Variants in FANK1 observed in about 807,000 individuals in gnomAD.
The protein encoded by FANK1 is fibronectin type III and ankyrin repeat domains 1, also known as fibronectin type 3 and ankyrin repeat domains protein 1.
FANK1 carries 44 observed loss-of-function variants against 45.3 expected under a neutral mutation model. The observed-to-expected ratio is 0.97, with a 90% CI of 0.76 to 1.25. FANK1 has a LOEUF of 1.25. FANK1 is among the 50% of genes most tolerant of loss of function. The pLI is 0.00. For synonymous variants in FANK1, 149 were observed against 152.5 expected (o/e 0.98, Z 0.17); for missense variants, 391 against 424.4 (o/e 0.92, Z 0.69).
At chr10:125,965,193 AT>A (rs1383696119) in intron 1 of FANK1, among the ~76,000 whole-genome samples, 2 of 152,206 alleles carry the variant, frequency 1.3e-5, no homozygotes, top group Non-Finnish European at 2.9e-5. Context: ...AACTTGATGA[AT>A]GCAAAATGTC....
rs150851164 is a variant in FANK1 at position 125,972,893 on chromosome 10, AACACAC to A, written c.14-7233_14-7228del. ...TACATTTGGATCACTACCTGCCCCCAACACACACACACACACACACACACACACACA... is the reference window on the plus strand; with the variant it reads ...TACATTTGGATCACTACCTGCCCCCAACACACACACACACACACACACACA... On this transcript the variant is annotated intron_variant, in intron 1 of 10. Transcript: ENST00000368693. The A allele has an allele frequency of 2.0e-3, 291 of 142,430 alleles. 1 individual carries two copies. Among genetic ancestry groups the A allele is most frequent in the Middle Eastern group, 0.011 (3 of 280 alleles). The allele number at this position is 142,430 out of a possible 1,614,324, so 8.8% of individuals were successfully genotyped here. A position where few individuals can be genotyped will look rare whatever the true frequency, so the allele number is the denominator to read the frequency against.
intron 1 of FANK1, among the ~76,000 whole-genome samples, chr10:125,954,932 A>T (rs1012270135): frequency 6.6e-6 from 1 of 152,010 alleles, no homozygotes; most frequent in African/African-American, 2.4e-5. Context: ...AAAATAAATT[A>T]AAAAAAGGGG....
chr10:125,958,744 G>A (rs1052355530), intron 1 of FANK1, among the ~76,000 whole-genome samples: 2 of 152,150 alleles, frequency 1.3e-5, no homozygotes, highest in Non-Finnish European at 2.9e-5. Context: ...ATAATGTTGA[G>A]CATTTAAAAA....
chr10:125,936,026 T>C (rs902193431), intron 1 of FANK1, among the ~76,000 whole-genome samples: 2 of 152,198 alleles, frequency 1.3e-5, no homozygotes, highest in African/African-American at 4.8e-5. Context: ...GATTTTCAAC[T>C]ACAGGAAAAG....
At chr10:125,934,521 G>A (rs1343966233) in intron 1 of FANK1, among the ~76,000 whole-genome samples, 1 of 151,920 alleles carries the variant, frequency 6.6e-6, no homozygotes, top group Non-Finnish European at 1.5e-5. Context: ...TGGGGACTGA[G>A]CTGTGGGCAG....
chr10:126,006,576 G>A (rs11244765), intron 7 of FANK1, among the ~76,000 whole-genome samples: 2 of 152,068 alleles, frequency 1.3e-5, no homozygotes, highest in Non-Finnish European at 2.9e-5. Context: ...GTCAAGCATC[G>A]GGGCCGGGCA....
Position 126,004,885 on chromosome 10 carries a change from C to T in FANK1, c.541C>T (p.Leu181=), listed in dbSNP as rs779721250. Residue 181 remains leucine (L), a splice_region_variant and synonymous_variant, in exon 7 of 11, where the codon CTA becomes TTA. Transcript: ENST00000368693. ...TGCCGCTTCTTCCATATGTTGCAGTCTAATGCTGGCGTGCTATGCGGGACA... is the reference window on the plus strand; with the variant it reads ...TGCCGCTTCTTCCATATGTTGCAGTTTAATGCTGGCGTGCTATGCGGGACA... ...NLKNGSGKDS[L]MLACYAGHLD... 5.1e-5 allele frequency: 83 copies of T among 1,613,954 alleles called. No homozygotes were observed. Among genetic ancestry groups the T allele is most frequent in the Non-Finnish European group, 6.6e-5 (78 of 1,179,974 alleles).
In FANK1 at chr10:125,946,759, G is replaced by A. The variant is rs529967133; in HGVS notation, c.14-33402G>A. On this transcript the variant is annotated intron_variant, in intron 1 of 10. Coordinates refer to ENST00000368693, the MANE Select transcript of FANK1 (RefSeq NM_145235.5). Reference sequence around the variant, plus strand: ...TTCAGATTCAGGAAATACAGAGAACGCCACAAAGATACTCCTCGAGAAGAG... The same window carrying A: ...TTCAGATTCAGGAAATACAGAGAACACCACAAAGATACTCCTCGAGAAGAG... Among the ~76,000 whole-genome samples, 4 of 112,228 alleles carry A rather than the reference G, an allele frequency of 3.6e-5. No homozygotes were observed. In the East Asian group the frequency reaches 7.8e-4, roughly 22 times the overall value. 73.6% of individuals were successfully genotyped at this position (112,228 alleles called of 152,430 possible).
intron 1 of FANK1, among the ~76,000 whole-genome samples, chr10:125,900,192 G>A (rs867482892): frequency 0.013 from 1,882 of 150,002 alleles, no homozygotes; most frequent in African/African-American, 0.043. Context: ...AATTAAATAC[G>A]TTCACAACCT....
intron 1 of FANK1, among the ~76,000 whole-genome samples, chr10:125,965,748 A>G (rs1185928889): frequency 6.6e-6 from 1 of 152,222 alleles, no homozygotes; most frequent in Non-Finnish European, 1.5e-5. Context: ...GCAAGCCTGC[A>G]GTAAATTGAA....
rs201482232 is a variant in FANK1, at chr10:125,898,897, G to GTT, written c.13+2256_13+2257dup. Among the ~76,000 whole-genome samples the GTT allele has an allele frequency of 1.5e-3, 198 of 128,858 alleles. 1 individual carries two copies. The highest frequency in any genetic ancestry group is 8.2e-3 in the Middle Eastern group (2 of 244). The allele number at this position is 128,858 out of a possible 152,430, so 84.5% of individuals were successfully genotyped here. On this transcript the variant is annotated intron_variant, in intron 1 of 10. Coordinates refer to ENST00000368693, the MANE Select transcript of FANK1 (RefSeq NM_145235.5). The stretch of plus-strand genomic sequence containing the variant: ...ATCACCATTTAGCTCAAGTTTTGTT[G>GTT]TTTTTTTTTTTTTTTGAGACAGGGT...
At chr10:125,999,198 CTTTTTTTT>C (rs34338283) in intron 6 of FANK1, among the ~76,000 whole-genome samples, 1 of 124,474 alleles carries the variant, frequency 8.0e-6, no homozygotes, top group African/African-American at 3.0e-5. Flanking sequence ...TAAAAAGTAT[CTTTTTTTT>C]TTTTTTTTTT....
At chr10:125,945,713 A>G (rs969278894) in intron 1 of FANK1, among the ~76,000 whole-genome samples, 1 of 152,190 alleles carries the variant, frequency 6.6e-6, no homozygotes, top group African/African-American at 2.4e-5. Context: ...TAGGTAAACA[A>G]AGCAGCCAGG....
chr10:125,990,862 T>A (rs1590194162), intron 3 of FANK1, among the ~76,000 whole-genome samples: 3 of 151,564 alleles, frequency 2.0e-5, no homozygotes, highest in Admixed American at 2.0e-4. Context: ...AAAGAAGGAG[T>A]AAAGGCATGT....
intron 1 of FANK1, among the ~76,000 whole-genome samples, chr10:125,938,407 T>C (rs1948239437): frequency 6.6e-6 from 1 of 152,064 alleles, no homozygotes; most frequent in South Asian, 2.1e-4. Context: ...TTAACAGAAG[T>C]AGGAGAAATG....
intron 1 of FANK1, among the ~76,000 whole-genome samples, chr10:125,979,104 C>T (rs770784731): frequency 3.1e-4 from 47 of 152,234 alleles, no homozygotes; most frequent in Admixed American, 2.6e-4. Flanking sequence ...GTTTCTGGGT[C>T]GCTCATTCGG....
At chr10:125,948,812 C>T (rs1170257189) in intron 1 of FANK1, among the ~76,000 whole-genome samples, 1 of 149,240 alleles carries the variant, frequency 6.7e-6, no homozygotes, top group African/African-American at 2.5e-5. Context: ...AGAGACACAA[C>T]CAAAAAAGAG....
At chr10:126,006,797 T>C (rs1361842294) in intron 7 of FANK1, among the ~76,000 whole-genome samples, 4 of 152,072 alleles carry the variant, frequency 2.6e-5, no homozygotes, top group Non-Finnish European at 5.9e-5. Context: ...GAGGTGGAGG[T>C]TGCAGTGAGC....
At chr10:125,950,146 C>G (rs1409276010) in intron 1 of FANK1, among the ~76,000 whole-genome samples, 1 of 149,324 alleles carries the variant, frequency 6.7e-6, no homozygotes, top group African/African-American at 2.5e-5. Context: ...AACGTTAGAC[C>G]TAAAACCATA....
Sources: allele counts gnomAD v4.1 joint callset (sites outside exome capture counted in the v4.1 genomes callset), GRCh38; gene constraint gnomAD v4.1.1; transcripts MANE v1.5; gene names NCBI Gene and HGNC (gene_info 2026-07-23, HGNC 2026-07-21).